Variants in TUT4 observed in about 807,000 individuals in gnomAD.
TUT4 encodes the protein terminal uridylyltransferase 4.
In TUT4, 36 loss-of-function variants were observed where a neutral mutation model predicts 192.2. That is an observed-to-expected ratio of 0.19 (90% confidence interval 0.14 to 0.25). The LOEUF is 0.25. Ranked by LOEUF, TUT4 falls within the 10% of genes least tolerant of loss-of-function variation. TUT4 has a pLI of 1.00. For missense variants in TUT4, 1,493 were observed against 1,957.2 expected (o/e 0.76, Z 4.47); for synonymous variants, 618 against 666.0 (o/e 0.93, Z 1.11).
rs200332875 is a variant in TUT4, at chr1:52,525,954, T to G, written c.327A>C (p.Glu109Asp). 14 of 1,614,214 alleles carry G rather than the reference T, an allele frequency of 8.7e-6. No homozygotes were observed. In the East Asian group the frequency reaches 3.1e-4, roughly 36 times the overall value. Residue 109 changes from glutamate (E) to aspartate (D), a missense_variant, in exon 2 of 30, where the codon GAA becomes GAC. Coordinates refer to ENST00000257177, the MANE Select transcript of TUT4 (RefSeq NM_001009881.3). ...ATTTTGCCTGTGAAATGGTTGCCTT[T>G]TCGGCTTTCACCGGTGAATTAGGAA... is the stretch of plus-strand genomic sequence containing the variant. ...KKFPNSPVKAEKATISQAKSE... is the reference protein window; with the variant it reads ...KKFPNSPVKADKATISQAKSE...
intron 14 of TUT4, among the ~76,000 whole-genome samples, chr1:52,469,196 T>C (rs1665007312): frequency 6.6e-6 from 1 of 152,112 alleles, no homozygotes; most frequent in Non-Finnish European, 1.5e-5. Context: ...TTTAAAAAAA[T>C]CATCTAGGAG....
rs912427928 is a variant in TUT4, at chr1:52,488,915, C to A, written c.1509G>T (p.Trp503Cys). ...FIPLVLAFRY[W>C]AKLCYIDSQT... ...TTTCCTCTCTTTCACTTACCTTAGCCCAGTAGCGAAAGGCTAACACCAAGG... is the reference window on the plus strand; with the variant it reads ...TTTCCTCTCTTTCACTTACCTTAGCACAGTAGCGAAAGGCTAACACCAAGG... Residue 503 changes from tryptophan to cysteine, a missense_variant, in exon 9 of 30, where the codon TGG becomes TGT. By Grantham distance (215) the Trp-to-Cys change is radical (BLOSUM62 -2). This residue lies in a region of TUT4 where 437 missense variants were observed against 577.6 expected (regional missense o/e 0.76). Coordinates refer to ENST00000257177, the MANE Select transcript of TUT4 (RefSeq NM_001009881.3). 4.5e-5 allele frequency: 73 copies of A among 1,610,404 alleles called. No individual in the cohort carries two copies. Among genetic ancestry groups the A allele is most frequent in the Non-Finnish European group, 5.4e-5 (64 of 1,178,810 alleles).
At chr1:52,527,826 G>A (rs931680408) in intron 1 of TUT4, among the ~76,000 whole-genome samples, 1 of 152,084 alleles carries the variant, frequency 6.6e-6, no homozygotes, top group Non-Finnish European at 1.5e-5. Context: ...TGGATGCAGG[G>A]TATATATGGC....
chr1:52,490,945 C>A (rs1670999891), intron 7 of TUT4, 144 bp from the exon 8 acceptor site: 5 of 685,430 alleles, frequency 7.3e-6, no homozygotes, highest in Non-Finnish European at 1.2e-5. Context: ...GAGCACCAAC[C>A]CAGCGAAATC....
intron 20 of TUT4, among the ~76,000 whole-genome samples, chr1:52,449,084 G>GACAC (rs142537086): frequency 6.7e-6 from 1 of 149,198 alleles, no homozygotes; most frequent in Non-Finnish European, 1.5e-5. Flanking sequence ...CACACACACA[G>GACAC]ACACACACAC....
At chr1:52,510,678 G>C (rs539858188) in intron 3 of TUT4, among the ~76,000 whole-genome samples, 71 of 152,288 alleles carry the variant, frequency 4.7e-4, no homozygotes, top group African/African-American at 1.4e-3. Context: ...CTGAATACTT[G>C]TTATGTGCCA....
intron 28 of TUT4, among the ~76,000 whole-genome samples, chr1:52,430,067 C>G (rs1328825721): frequency 6.7e-6 from 1 of 150,154 alleles, no homozygotes; most frequent in African/African-American, 2.5e-5. Context: ...CAAAATATTC[C>G]TTAGTATTTA....
chr1:52,446,755 A>G (rs1393265001), intron 20 of TUT4, 88 bp from the exon 21 acceptor site: 2 of 883,672 alleles, frequency 2.3e-6, no homozygotes, highest in Non-Finnish European at 3.4e-6. Flanking sequence ...GAATTTACCT[A>G]TAAGACATAC....
intron 1 of TUT4, among the ~76,000 whole-genome samples, chr1:52,527,813 G>A (rs1033489585): frequency 3.3e-5 from 5 of 152,170 alleles, no homozygotes; most frequent in African/African-American, 1.2e-4. Flanking sequence ...GGCTATGCAT[G>A]TGTGGATGCA....
At chr1:52,514,310 G>A (rs538047862) in intron 3 of TUT4, among the ~76,000 whole-genome samples, 9 of 152,170 alleles carry the variant, frequency 5.9e-5, no homozygotes, top group African/African-American at 1.4e-4. Context: ...GCATGGTGGC[G>A]CACAATTGTA....
intron 20 of TUT4, among the ~76,000 whole-genome samples, chr1:52,452,689 C>G (rs560508122): frequency 5.3e-4 from 80 of 152,328 alleles, no homozygotes; most frequent in African/African-American, 1.7e-3. Flanking sequence ...CTCCTCATCC[C>G]TTCTCCCATA....
chr1:52,474,569 C>A (rs1666619652), intron 13 of TUT4, among the ~76,000 whole-genome samples: 1 of 152,048 alleles, frequency 6.6e-6, no homozygotes, highest in Non-Finnish European at 1.5e-5. Flanking sequence ...CTAAGATTTT[C>A]ATGAAATATC....
chr1:52,467,420 ATTTC>A (rs1415234766), intron 15 of TUT4, among the ~76,000 whole-genome samples: 1 of 151,946 alleles, frequency 6.6e-6, no homozygotes, highest in East Asian at 1.9e-4. Context: ...ACCATCCTTG[ATTTC>A]TTTCTTTCTC....
chr1:52,431,598 C>T (rs1652088028), intron 27 of TUT4, 138 bp from the exon 28 acceptor site: 1 of 682,204 alleles, frequency 1.5e-6, no homozygotes, highest in Non-Finnish European at 2.1e-6. Flanking sequence ...TAGTTTTTCC[C>T]AAGGTACTCA....
At chr1:52,486,873 G>A (rs945219169) in intron 9 of TUT4, among the ~76,000 whole-genome samples, 5 of 152,080 alleles carry the variant, frequency 3.3e-5, no homozygotes, top group Non-Finnish European at 5.9e-5. Context: ...TAAAAAGAAT[G>A]TATCTGAGTA....
Position 52,431,335 on chromosome 1 carries a change from T to C in TUT4, c.4389A>G (p.Gly1463=). The C allele has an allele frequency of 6.2e-7, 1 of 1,614,076 alleles. No homozygotes were observed. The highest frequency in any genetic ancestry group is 8.5e-7 in the Non-Finnish European group (1 of 1,180,016). The change falls in exon 28 of 30, where the codon GGA becomes GGG. Residue 1463 remains glycine, a synonymous_variant. Coordinates refer to ENST00000257177, the MANE Select transcript of TUT4 (RefSeq NM_001009881.3). ...SQPKLGPPQQ[G]AQPPHQVQMP... ...TCTGGACCTGATGGGGAGGTTGGGC[T>C]CCCTGCTGAGGTGGGCCAAGCTTAG...
chr1:52,445,328 G>A (rs1325854803), intron 24 of TUT4, among the ~76,000 whole-genome samples: 2 of 152,052 alleles, frequency 1.3e-5, no homozygotes, highest in Non-Finnish European at 2.9e-5. Flanking sequence ...AATTAGAGAA[G>A]CCCCAACAAA....
intron 1 of TUT4, among the ~76,000 whole-genome samples, chr1:52,527,847 T>C (rs1682233988): frequency 6.6e-6 from 1 of 152,050 alleles, no homozygotes; most frequent in Non-Finnish European, 1.5e-5. Context: ...AACTTTGCAC[T>C]TTCTGCTCAA....
chr1:52,436,030 G>C (rs1166373431), intron 26 of TUT4, among the ~76,000 whole-genome samples: 2 of 151,416 alleles, frequency 1.3e-5, no homozygotes, highest in African/African-American at 4.9e-5. Context: ...CTCTTACTTG[G>C]GTTACTATTT....
Sources: allele counts gnomAD v4.1 joint callset (sites outside exome capture counted in the v4.1 genomes callset), GRCh38; gene constraint gnomAD v4.1.1; regional missense constraint gnomAD v4.1.1; transcripts MANE v1.5; gene names NCBI Gene and HGNC (gene_info 2026-07-23, HGNC 2026-07-21).